The following CDK14 variants were observed in gnomAD, a reference collection of about 807,000 sequenced individuals.
CDK14 encodes cyclin dependent kinase 14, also known as cyclin-dependent kinase 14.
A neutral mutation model predicts 60.7 loss-of-function variants in CDK14; 34 were observed. The ratio of observed to expected loss-of-function variants is 0.56; its 90% CI spans 0.43 to 0.75. CDK14 has a LOEUF of 0.75. CDK14 is among the 30% of genes least tolerant of loss of function. The pLI is 0.00. For missense variants in CDK14, 482 were observed against 564.1 expected (o/e 0.85, Z 1.47); for synonymous variants, 197 against 203.7 (o/e 0.97, Z 0.28).
intron 10 of CDK14, among the ~76,000 whole-genome samples, chr7:91,001,265 A>T (rs533852117): frequency 1.5e-3 from 224 of 152,316 alleles, no homozygotes; most frequent in African/African-American, 5.2e-3. Context: ...GACTAGTAAG[A>T]ATTTGAAGAC....
chr7:90,663,539 T>C (rs914185083), intron 2 of CDK14, among the ~76,000 whole-genome samples: 1 of 152,208 alleles, frequency 6.6e-6, no homozygotes, highest in African/African-American at 2.4e-5. Flanking sequence ...ATTTTTCTAG[T>C]GTGAGAAACT....
At chr7:91,167,422 A>ACC (rs1266507054) in intron 14 of CDK14, among the ~76,000 whole-genome samples, 12 of 152,244 alleles carry the variant, frequency 7.9e-5, no homozygotes, top group African/African-American at 2.9e-4. Flanking sequence ...ACATGAGGCC[A>ACC]TAAGGTAGCT....
At chr7:90,664,610 TA>T (rs1434511502) in intron 2 of CDK14, among the ~76,000 whole-genome samples, 1 of 152,092 alleles carries the variant, frequency 6.6e-6, no homozygotes, top group Non-Finnish European at 1.5e-5. Flanking sequence ...TATGCAGCCA[TA>T]AAAAATGATG....
In CDK14 at chr7:90,927,280, G is replaced by C. The variant is rs139416115; in HGVS notation, c.826+9556G>C. Among the ~76,000 whole-genome samples the C allele has an allele frequency of 3.2e-3, 480 of 152,048 alleles. 2 individuals carry two copies. The highest frequency in any genetic ancestry group is 0.011 in the African/African-American group (459 of 41,466). ...CAATCCCCATCCTGAACCTATCTAG[G>C]GGCCTGTAGCCACCAGTCATTCTTC... On this transcript the variant is annotated intron_variant, in intron 8 of 14. Coordinates refer to ENST00000380050, the MANE Select transcript of CDK14 (RefSeq NM_001287135.2).
intron 5 of CDK14, among the ~76,000 whole-genome samples, chr7:90,793,525 G>A (rs1025193412): frequency 6.6e-6 from 1 of 152,196 alleles, no homozygotes; most frequent in African/African-American, 2.4e-5. Context: ...GTATAGAAAA[G>A]GAGCTGAGAC....
At chr7:91,041,066 A>C (rs1032004772) in intron 10 of CDK14, among the ~76,000 whole-genome samples, 5 of 152,086 alleles carry the variant, frequency 3.3e-5, no homozygotes, top group Admixed American at 3.3e-4. Flanking sequence ...AACCTGGGCC[A>C]CACCTGCCAG....
intron 3 of CDK14, among the ~76,000 whole-genome samples, chr7:90,727,073 G>A (rs1252507982): frequency 2.0e-5 from 3 of 152,152 alleles, no homozygotes; most frequent in Non-Finnish European, 4.4e-5. Flanking sequence ...TCTAGTTAGA[G>A]GAATTTATAA....
chr7:90,605,244 C>T (rs1203488688), intron 2 of CDK14, among the ~76,000 whole-genome samples: 4 of 152,136 alleles, frequency 2.6e-5, no homozygotes, highest in African/African-American at 4.8e-5. Flanking sequence ...GAACCTGCTC[C>T]AGGCTGGGAT....
intron 1 of CDK14, among the ~76,000 whole-genome samples, chr7:90,599,416 C>T (rs535982271): frequency 6.6e-6 from 1 of 152,288 alleles, no homozygotes; most frequent in South Asian, 2.1e-4. Flanking sequence ...ACTGGGTTTT[C>T]GCTGCTTGCT....
chr7:91,019,143 A>C (rs921149306), intron 10 of CDK14, among the ~76,000 whole-genome samples: 1 of 152,192 alleles, frequency 6.6e-6, no homozygotes, highest in Admixed American at 6.5e-5. Context: ...GGCATATAGT[A>C]AACTCCAATA....
intron 5 of CDK14, among the ~76,000 whole-genome samples, chr7:90,836,900 T>G (rs1385438935): frequency 6.6e-6 from 1 of 152,214 alleles, no homozygotes; most frequent in East Asian, 1.9e-4. Context: ...TTGACCAAAA[T>G]GTCATTATGC....
intron 4 of CDK14, among the ~76,000 whole-genome samples, chr7:90,762,753 A>G (rs546870687): frequency 1.3e-5 from 2 of 152,286 alleles, no homozygotes; most frequent in African/African-American, 4.8e-5. Flanking sequence ...TGGGAGGCTG[A>G]GGCGGGCAGA....
chr7:91,105,882 A>T (rs1180718435), intron 12 of CDK14, among the ~76,000 whole-genome samples: 1 of 152,210 alleles, frequency 6.6e-6, no homozygotes, highest in African/African-American at 2.4e-5. Flanking sequence ...AAAAGACCTT[A>T]TAAAATCAAA....
At chr7:90,643,096 A>G (rs549700230) in intron 2 of CDK14, among the ~76,000 whole-genome samples, 4 of 152,306 alleles carry the variant, frequency 2.6e-5, no homozygotes, top group South Asian at 4.1e-4. Flanking sequence ...TGTGGCCAGC[A>G]TAGGAGGGGA....
chr7:90,827,183 A>G (rs1789755555), intron 5 of CDK14, among the ~76,000 whole-genome samples: 1 of 151,948 alleles, frequency 6.6e-6, no homozygotes. Context: ...CTAGAATGTC[A>G]TACAGTAGAA....
intron 14 of CDK14, among the ~76,000 whole-genome samples, chr7:91,170,056 C>T (rs992538608): frequency 1.3e-5 from 2 of 152,206 alleles, no homozygotes; most frequent in East Asian, 3.8e-4. Context: ...GTTGCATTGC[C>T]TCTGCTGAGC....
At chr7:90,722,806 G>A (rs1207532548) in intron 2 of CDK14, among the ~76,000 whole-genome samples, 1 of 152,158 alleles carries the variant, frequency 6.6e-6, no homozygotes, top group Non-Finnish European at 1.5e-5. Context: ...GGCCGTTAAG[G>A]CATGAAGATG....
At chr7:90,864,144 T>C (rs1022565679) in intron 6 of CDK14, among the ~76,000 whole-genome samples, 20 of 152,188 alleles carry the variant, frequency 1.3e-4, no homozygotes, top group Admixed American at 1.1e-3. Flanking sequence ...AAAAAAAGAA[T>C]GAATATTTGC....
At chr7:90,857,083 G>A (rs1226824872) in intron 5 of CDK14, among the ~76,000 whole-genome samples, 8 of 150,088 alleles carry the variant, frequency 5.3e-5, no homozygotes. Context: ...AAATATTAAA[G>A]GTTTTTTTCC....
Sources: allele counts gnomAD v4.1 joint callset (sites outside exome capture counted in the v4.1 genomes callset), GRCh38; gene constraint gnomAD v4.1.1; transcripts MANE v1.5; gene names NCBI Gene and HGNC (gene_info 2026-07-23, HGNC 2026-07-21).